FGF12: variants seen among roughly 807,000 people sequenced by gnomAD.
FGF12 encodes fibroblast growth factor 12B.
FGF12 carries 14 observed loss-of-function variants against 23.6 expected under a neutral mutation model. The ratio of observed to expected loss-of-function variants is 0.59; its 90% CI spans 0.39 to 0.93. The LOEUF (loss-of-function observed/expected upper bound fraction) is 0.93. Among genes scored for constraint, FGF12 ranks in the 40% least tolerant of loss-of-function variants. The pLI, the probability that FGF12 is intolerant of heterozygous loss-of-function variation, is 0.00. For missense variants in FGF12, 175 were observed against 217.8 expected (o/e 0.80, Z 1.24); for synonymous variants, 62 against 77.3 (o/e 0.80, Z 1.04).
At chr3:192,475,270 T>C (rs1005191054) in intron 2 of FGF12, among the ~76,000 whole-genome samples, 2 of 152,246 alleles carry the variant, frequency 1.3e-5, no homozygotes, top group African/African-American at 2.4e-5. Flanking sequence ...TGGTCCATTC[T>C]AGCTCTAAAT....
intron 2 of FGF12, among the ~76,000 whole-genome samples, chr3:192,604,522 G>C (rs1175925736): frequency 6.6e-6 from 1 of 152,092 alleles, no homozygotes; most frequent in Admixed American, 6.6e-5. Context: ...TTTCTACAAG[G>C]AGAACTACGA....
chr3:192,694,003 T>C (rs1370069294), intron 2 of FGF12, among the ~76,000 whole-genome samples: 1 of 152,182 alleles, frequency 6.6e-6, no homozygotes, highest in Non-Finnish European at 1.5e-5. Context: ...GTGAACCATG[T>C]ATCTGATAAG....
At chr3:192,400,941 T>A (rs1720734902) in intron 2 of FGF12, among the ~76,000 whole-genome samples, 1 of 152,198 alleles carries the variant, frequency 6.6e-6, no homozygotes, top group Non-Finnish European at 1.5e-5. Context: ...GTTCTCAAAC[T>A]TTTTGTTTTC....
chr3:192,450,861 C>A (rs1420312461), intron 2 of FGF12, among the ~76,000 whole-genome samples: 1 of 152,172 alleles, frequency 6.6e-6, no homozygotes, highest in Non-Finnish European at 1.5e-5. Flanking sequence ...GTTGCCAGAA[C>A]CCTTTTCCAA....
At chr3:192,378,026 T>TTTCTTTC (rs1553804997) in intron 2 of FGF12, among the ~76,000 whole-genome samples, 8 of 69,438 alleles carry the variant, frequency 1.2e-4, no homozygotes, top group Admixed American at 2.9e-4. Flanking sequence ...TGACTCTTTC[T>TTTCTTTC]TTTCTTTCTT....
At chr3:192,611,264 G>C (rs568578274) in intron 2 of FGF12, among the ~76,000 whole-genome samples, 3 of 152,150 alleles carry the variant, frequency 2.0e-5, no homozygotes, top group African/African-American at 7.2e-5. Context: ...GGGAAGATCA[G>C]AGTATCCTTG....
intron 2 of FGF12, among the ~76,000 whole-genome samples, chr3:192,677,228 C>A (rs879852173): frequency 6.6e-6 from 1 of 152,220 alleles, no homozygotes; most frequent in Non-Finnish European, 1.5e-5. Context: ...TCCCCCAACT[C>A]CCACACTGAG....
chr3:192,570,331 G>A (rs1712534115), intron 2 of FGF12, among the ~76,000 whole-genome samples: 1 of 152,120 alleles, frequency 6.6e-6, no homozygotes, highest in South Asian at 2.1e-4. Context: ...GCATATGTAT[G>A]TTAAACTTAT....
intron 4 of FGF12, among the ~76,000 whole-genome samples, chr3:192,237,123 C>T (rs926852336): frequency 6.6e-6 from 1 of 152,166 alleles, no homozygotes; most frequent in Non-Finnish European, 1.5e-5. Context: ...AAATTATTGG[C>T]TGAAATTTCT....
At chr3:192,469,271 A>C (rs1295795946) in intron 2 of FGF12, among the ~76,000 whole-genome samples, 1 of 152,208 alleles carries the variant, frequency 6.6e-6, no homozygotes, top group Non-Finnish European at 1.5e-5. Context: ...TGTTCATTAT[A>C]AACAGAGTGC....
At chr3:192,177,556 A>G (rs1235077784) in intron 4 of FGF12, among the ~76,000 whole-genome samples, 1 of 152,206 alleles carries the variant, frequency 6.6e-6, no homozygotes, top group Non-Finnish European at 1.5e-5. Context: ...TACCATAACC[A>G]TAATTCATCT....
intron 2 of FGF12, among the ~76,000 whole-genome samples, chr3:192,503,379 C>T (rs377548319): frequency 6.6e-6 from 1 of 152,126 alleles, no homozygotes; most frequent in African/African-American, 2.4e-5. Flanking sequence ...TCACCATAGA[C>T]TATTCAGTAG....
rs73066511 is a variant in FGF12 at position 192,291,308 on chromosome 3, T to C, written c.228+44053A>G. On this transcript the variant is annotated intron_variant, in intron 4 of 5. Coordinates refer to ENST00000445105, the MANE Select transcript of FGF12 (RefSeq NM_004113.6). ...AAAAATTATCACTACAGGCCAGGCA[T>C]GGTGGCTTATACCTGTAATCCCAGC... 4.3e-3 allele frequency among the ~76,000 whole-genome samples: 656 copies of C among 152,232 alleles called. 7 individuals carry two copies. Among genetic ancestry groups the C allele is most frequent in the African/African-American group, 0.015 (616 of 41,548 alleles).
At chr3:192,378,026 T>TCTTCTTTCTTTCTTTCTTTC (rs1233005474) in intron 2 of FGF12, among the ~76,000 whole-genome samples, 2 of 69,442 alleles carry the variant, frequency 2.9e-5, no homozygotes, top group Admixed American at 1.4e-4. Context: ...TGACTCTTTC[T>TCTTCTTTCTTTCTTTCTTTC]TTTCTTTCTT....
rs1480362135 is a variant in FGF12 at position 192,143,589 on chromosome 3, T to C, written c.*420A>G. 6.5e-6 allele frequency: 1 copy of C among 154,016 alleles called. No homozygotes were observed. The highest frequency in any genetic ancestry group is 1.4e-5 in the Non-Finnish European group (1 of 69,220). The allele number at this position is 154,016 out of a possible 1,614,324, so 9.5% of individuals were successfully genotyped here. On this transcript the variant is annotated 3_prime_UTR_variant, in exon 6 of 6. Coordinates refer to ENST00000445105, the MANE Select transcript of FGF12 (RefSeq NM_004113.6). ...CAAGCAAAACCACACATCGCAGCAT[T>C]ATCATGAGTTTAAGCTATTGAGTAT...
intron 5 of FGF12, among the ~76,000 whole-genome samples, chr3:192,159,308 C>CA (rs1457389782): frequency 6.6e-6 from 1 of 152,196 alleles, no homozygotes. Context: ...GACACTCCAG[C>CA]AGTGTTGGAT....
At chr3:192,305,991 G>T (rs1288493897) in intron 4 of FGF12, among the ~76,000 whole-genome samples, 2 of 149,558 alleles carry the variant, frequency 1.3e-5, no homozygotes, top group African/African-American at 5.0e-5. Context: ...CTCCCAAGTA[G>T]CTGGGACTAC....
intron 2 of FGF12, among the ~76,000 whole-genome samples, chr3:192,606,667 G>T (rs770526523): frequency 3.0e-4 from 45 of 152,002 alleles, no homozygotes; most frequent in Non-Finnish European, 6.0e-4. Flanking sequence ...ACATTGATAT[G>T]GTTATTTTCC....
intron 2 of FGF12, among the ~76,000 whole-genome samples, chr3:192,440,968 A>G (rs540998632): frequency 6.6e-6 from 1 of 152,340 alleles, no homozygotes; most frequent in Admixed American, 6.5e-5. Context: ...ACATTGTAGA[A>G]AATGCTCTAG....
Sources: allele counts gnomAD v4.1 joint callset (sites outside exome capture counted in the v4.1 genomes callset), GRCh38; gene constraint gnomAD v4.1.1; transcripts MANE v1.5; gene names NCBI Gene and HGNC (gene_info 2026-07-23, HGNC 2026-07-21).